The following HELQ variants were observed in gnomAD, a reference collection of about 807,000 sequenced individuals.
HELQ encodes the protein helicase POLQ-like.
In HELQ, 77 loss-of-function variants were observed where a neutral mutation model predicts 111.6. That is an observed-to-expected ratio of 0.69 (90% CI 0.57 to 0.83). The LOEUF is 0.83. Ranked by LOEUF, HELQ falls within the 40% of genes least tolerant of loss-of-function variation. The pLI is 0.00. For synonymous variants in HELQ, 438 were observed against 454.7 expected (o/e 0.96, Z 0.47); for missense variants, 1,200 against 1,288.5 (o/e 0.93, Z 1.05).
rs141774647 is a variant in HELQ, at chr4:83,455,207, T to C, written c.297+190A>G. ...CACTTAACTGCTGCGTGCACAACTT[T>C]TATGTCTCGGGGTTTACATTTCATA... On this transcript the variant is annotated intron_variant, in intron 1 of 17. Coordinates refer to ENST00000295488, the MANE Select transcript of HELQ (RefSeq NM_133636.5). 1.3e-3 allele frequency: 1,660 copies of C among 1,256,450 alleles called. 18 individuals carry two copies. Among genetic ancestry groups the C allele is most frequent in the Non-Finnish European group, 3.4e-4 (319 of 937,058 alleles). The allele number at this position is 1,256,450 out of a possible 1,614,324, so 77.8% of individuals were successfully genotyped here.
chr4:83,440,110 C>A (rs1276375687), intron 7 of HELQ, 102 bp from the exon 8 acceptor site: 1 of 787,280 alleles, frequency 1.3e-6, no homozygotes, highest in East Asian at 2.9e-5. Flanking sequence ...ATCTATAATT[C>A]TAAACTTCTA....
intron 1 of HELQ, 101 bp downstream of exon 1, chr4:83,455,296 C>A: frequency 1.3e-6 from 2 of 1,537,294 alleles, no homozygotes; most frequent in Non-Finnish European, 1.8e-6. Flanking sequence ...ACAGTGGTAA[C>A]GAAGACGAGA....
Position 83,442,658 on chromosome 4 carries a change from A to G in HELQ, c.1563+859T>C, listed in dbSNP as rs530379588. On this transcript the variant is annotated intron_variant, in intron 6 of 17. Coordinates refer to ENST00000295488, the MANE Select transcript of HELQ (RefSeq NM_133636.5). ...GATCTCTTGACCTCGTGATCTGCCC[A>G]CCTCGGCCTCCCAAAGTGCTGGGAT... 8.8e-4 allele frequency among the ~76,000 whole-genome samples: 134 copies of G among 151,848 alleles called. 1 individual carries two copies. The highest frequency in any genetic ancestry group is 2.7e-3 in the African/African-American group (110 of 41,366).
chr4:83,446,152 A>G, intron 4 of HELQ, 66 bp from the exon 5 acceptor site: 1 of 1,030,646 alleles, frequency 9.7e-7, no homozygotes, highest in Non-Finnish European at 1.5e-6. Flanking sequence ...TAAAACATGC[A>G]TATATTCATA....
rs1720039269 is a variant in HELQ, at chr4:83,429,711, C to T, written c.2331G>A (p.Met777Ile). The change falls in exon 12 of 18, where the codon ATG becomes ATA. Residue 777 changes from methionine to isoleucine, a missense_variant. Coordinates refer to ENST00000295488, the MANE Select transcript of HELQ (RefSeq NM_133636.5). Reference sequence around the variant, plus strand: ...GCTGAACACCAAAAAATGTACCATTCATGAAATGATAGATGTCATCAAGAT... The same window carrying T: ...GCTGAACACCAAAAAATGTACCATTTATGAAATGATAGATGTCATCAAGAT... Reference protein sequence around the residue: ...ATNLDDIYHFMNGTFFGVQQK... With the variant: ...ATNLDDIYHFINGTFFGVQQK... 1 of 1,613,004 alleles carries T rather than the reference C, an allele frequency of 6.2e-7. No individual in the cohort carries two copies. The highest frequency in any genetic ancestry group is 8.5e-7 in the Non-Finnish European group (1 of 1,179,364).
rs764414033 is a variant in HELQ at position 83,453,846 on chromosome 4, G to A, written c.397C>T (p.Leu133Phe). 6.2e-7 allele frequency: 1 copy of A among 1,613,784 alleles called. No homozygotes were observed. The highest frequency in any genetic ancestry group is 8.5e-7 in the Non-Finnish European group (1 of 1,179,718). The stretch of plus-strand genomic sequence containing the variant: ...GTAGCATGTTTCTTATGTTCAGGGA[G>A]TTGCATATATTTTTGTTCCAGGTCG... ...VDDLEQKYMQ[L>F]PEHKKHATDF... The change falls in exon 2 of 18, where the codon CTC becomes TTC. Residue 133 changes from leucine (L) to phenylalanine (F), a missense_variant. By Grantham distance (22) the Leu-to-Phe change is conservative (BLOSUM62 0). Around this residue, in one of 3 missense-constraint regions of HELQ, gnomAD observed 610 missense variants for 607.1 expected, o/e 1.00. Coordinates refer to ENST00000295488, the MANE Select transcript of HELQ (RefSeq NM_133636.5).
chr4:83,417,439 T>C (rs761602291), intron 16 of HELQ, among the ~76,000 whole-genome samples: 10 of 152,086 alleles, frequency 6.6e-5, no homozygotes, highest in East Asian at 1.9e-4. Flanking sequence ...CTGACCTCAA[T>C]TGATCCACCC....
At chr4:83,426,384 C>G (rs1578077586) in intron 13 of HELQ, among the ~76,000 whole-genome samples, 1 of 150,886 alleles carries the variant, frequency 6.6e-6, no homozygotes, top group Non-Finnish European at 1.5e-5. Flanking sequence ...AGAGTAATTG[C>G]ATTATATAGT....
intron 14 of HELQ, among the ~76,000 whole-genome samples, chr4:83,422,577 G>C (rs1435105755): frequency 6.6e-6 from 1 of 152,296 alleles, no homozygotes; most frequent in Non-Finnish European, 1.5e-5. Flanking sequence ...GGAACACCAA[G>C]GACTGCCAGT....
chr4:83,414,483 A>G (rs1474253657), intron 17 of HELQ, among the ~76,000 whole-genome samples: 1 of 152,194 alleles, frequency 6.6e-6, no homozygotes. Context: ...CCTAATGATT[A>G]GATGCTGACA....
At chr4:83,419,119 T>C (rs906452657) in intron 15 of HELQ, among the ~76,000 whole-genome samples, 3 of 151,638 alleles carry the variant, frequency 2.0e-5, no homozygotes, top group Non-Finnish European at 4.4e-5. Context: ...GCTTTGAATG[T>C]CACCCAAAAC....
intron 10 of HELQ, 141 bp downstream of exon 10, chr4:83,431,985 C>A: frequency 1.9e-6 from 1 of 530,924 alleles, no homozygotes; most frequent in Non-Finnish European, 3.1e-6. Context: ...TTTCAAACCA[C>A]TCTAATTCTT....
chr4:83,421,052 C>T (rs773973873), intron 15 of HELQ, among the ~76,000 whole-genome samples: 5 of 152,188 alleles, frequency 3.3e-5, no homozygotes, highest in Admixed American at 6.5e-5. Context: ...CTCAAGTGAT[C>T]CACCTGCCTC....
rs1719831176 is a variant in HELQ, at chr4:83,426,045, TCCAAGA to T, written c.2718_2723del (p.Leu907_Gly908del). On this transcript the variant is annotated inframe_deletion, in exon 14 of 18. Transcript: ENST00000295488. Reference sequence around the variant, plus strand: ...TCTTCCCAATAAAGCTTTCAGAGACTCCAAGAATGGCAGCTACATTTTGTTCTGCTG... The same window carrying T: ...TCTTCCCAATAAAGCTTTCAGAGACTATGGCAGCTACATTTTGTTCTGCTG... The T allele has an allele frequency of 4.3e-6, 7 of 1,611,330 alleles. No homozygotes were observed. Among genetic ancestry groups the T allele is most frequent in the Non-Finnish European group, 5.9e-6 (7 of 1,177,900 alleles).
chr4:83,411,819 C>A (rs1056312769), intron 17 of HELQ, among the ~76,000 whole-genome samples: 1 of 151,378 alleles, frequency 6.6e-6, no homozygotes, highest in Admixed American at 6.6e-5. Flanking sequence ...AAAAAAATTT[C>A]TTTTGTAGGA....
At chr4:83,416,937 A>G (rs1739394100) in intron 16 of HELQ, 72 bp from the exon 17 acceptor site, 4 of 1,357,832 alleles carry the variant, frequency 2.9e-6, no homozygotes, top group Non-Finnish European at 3.0e-6. Context: ...CACTTTACTG[A>G]AAAGAACAAA....
chr4:83,443,529 A>G lies in HELQ; in HGVS notation c.1551T>C (p.Ser517=). Residue 517 remains serine (S), a synonymous_variant, in exon 6 of 18, where the codon AGT becomes AGC. Coordinates refer to ENST00000295488, the MANE Select transcript of HELQ (RefSeq NM_133636.5). The part of the protein sequence containing the change: ...QKFLQAEYYT[S]QFRPVELKEY... Reference sequence around the variant, plus strand: ...CTTAGGTACATACTGGTCTAAATTGACTGGTATAATATTCTGCTTGAAGAA... The same window carrying G: ...CTTAGGTACATACTGGTCTAAATTGGCTGGTATAATATTCTGCTTGAAGAA... 1.3e-6 allele frequency: 2 copies of G among 1,518,532 alleles called. No individual in the cohort carries two copies. Among genetic ancestry groups the G allele is most frequent in the Non-Finnish European group, 1.8e-6 (2 of 1,097,450 alleles). 94.1% of individuals were successfully genotyped at this position (1,518,532 alleles called of 1,614,324 possible).
At chr4:83,421,758 A>T in intron 14 of HELQ, 22 bp from the exon 15 acceptor site, 1 of 1,601,612 alleles carries the variant, frequency 6.2e-7, no homozygotes, top group Non-Finnish European at 8.5e-7. Context: ...CAATCAAATA[A>T]ATTCGTTTAC....
At chr4:83,450,702 A>AT (rs967127127) in intron 2 of HELQ, among the ~76,000 whole-genome samples, 1 of 151,746 alleles carries the variant, frequency 6.6e-6, no homozygotes, top group African/African-American at 2.4e-5. Context: ...ACAATGGCTC[A>AT]TATCTGTAAT....
Sources: gnomAD v4.1 joint callset for allele counts (sites outside exome capture counted in the v4.1 genomes callset) on GRCh38, gnomAD v4.1.1 for gene constraint, gnomAD v4.1.1 regional missense constraint, MANE v1.5 for transcripts, NCBI Gene and HGNC (gene_info 2026-07-23, HGNC 2026-07-21) for gene names.